The following CNTNAP2 variants were observed in gnomAD, a reference collection of about 807,000 sequenced individuals.
CNTNAP2 encodes contactin-associated protein-like 2.
A neutral mutation model predicts 155.2 loss-of-function variants in CNTNAP2; 98 were observed. The observed-to-expected ratio is 0.63, with a 90% CI of 0.54 to 0.75. The LOEUF (loss-of-function observed/expected upper bound fraction) is 0.75. Ranked by LOEUF, CNTNAP2 falls within the 30% of genes least tolerant of loss-of-function variation. CNTNAP2 has a pLI of 0.00. For synonymous variants in CNTNAP2, 651 were observed against 631.2 expected (o/e 1.03, Z -0.47); for missense variants, 1,727 against 1,688.1 (o/e 1.02, Z -0.40).
intron 21 of CNTNAP2, among the ~76,000 whole-genome samples, chr7:148,328,453 C>T (rs904649594): frequency 3.3e-5 from 5 of 152,064 alleles, no homozygotes; most frequent in Admixed American, 3.3e-4. Flanking sequence ...GGTCAGCGTG[C>T]TGTTGTCGCA....
intron 23 of CNTNAP2, among the ~76,000 whole-genome samples, chr7:148,412,681 A>G (rs1799870629): frequency 6.6e-6 from 1 of 152,188 alleles, no homozygotes; most frequent in South Asian, 2.1e-4. Flanking sequence ...TTTCCAGTCT[A>G]TATCCTTTTG....
intron 9 of CNTNAP2, among the ~76,000 whole-genome samples, chr7:147,318,136 A>G (rs1322579391): frequency 6.6e-6 from 1 of 152,156 alleles, no homozygotes; most frequent in African/African-American, 2.4e-5. Flanking sequence ...ACTTGAATAT[A>G]TTTCCATATA....
intron 1 of CNTNAP2, among the ~76,000 whole-genome samples, chr7:146,376,358 ATC>A (rs911802898): frequency 5.9e-5 from 9 of 151,990 alleles, no homozygotes; most frequent in Admixed American, 3.9e-4. Context: ...TTCACTGCTC[ATC>A]TCTCTTCTAA....
intron 13 of CNTNAP2, among the ~76,000 whole-genome samples, chr7:147,689,377 G>A (rs1461048113): frequency 6.6e-6 from 1 of 151,962 alleles, no homozygotes; most frequent in Non-Finnish European, 1.5e-5. Flanking sequence ...TTGAACTCCT[G>A]ACCTCAAGTG....
Position 146,674,682 on chromosome 7 carries a change from C to T in CNTNAP2, c.98-99589C>T, listed in dbSNP as rs191557673. Among the ~76,000 whole-genome samples, 233 of 152,114 alleles carry T rather than the reference C, an allele frequency of 1.5e-3. 1 individual carries two copies. The highest frequency in any genetic ancestry group is 1.6e-3 in the Non-Finnish European group (112 of 67,972). ...GAATACCCCAAAGAGGCAGTTGGAC[C>T]CGGGCCCTGTATCCCATTTTAACAA... is the stretch of plus-strand genomic sequence containing the variant. On this transcript the variant is annotated intron_variant, in intron 1 of 23. Transcript: ENST00000361727.
At chr7:147,476,280 T>A (rs1798318666) in intron 10 of CNTNAP2, among the ~76,000 whole-genome samples, 1 of 151,916 alleles carries the variant, frequency 6.6e-6, no homozygotes, top group African/African-American at 2.4e-5. Context: ...TACTTTTTTG[T>A]ATTTTTAGTA....
chr7:147,010,580 C>A (rs1182158833), intron 3 of CNTNAP2, among the ~76,000 whole-genome samples: 2 of 152,056 alleles, frequency 1.3e-5, no homozygotes, highest in African/African-American at 4.8e-5. Flanking sequence ...AAATCTGGAA[C>A]AATTTGAGCA....
intron 10 of CNTNAP2, among the ~76,000 whole-genome samples, chr7:147,435,435 C>G (rs1797534181): frequency 2.0e-5 from 3 of 152,168 alleles, no homozygotes; most frequent in Admixed American, 2.0e-4. Flanking sequence ...CCAGGTGATA[C>G]TGACCACACT....
intron 13 of CNTNAP2, among the ~76,000 whole-genome samples, chr7:147,690,185 G>A (rs930733842): frequency 6.6e-6 from 1 of 152,020 alleles, no homozygotes; most frequent in African/African-American, 2.4e-5. Context: ...TTTCACTAAC[G>A]TTACCTTGCT....
At chr7:146,916,213 G>C (rs568728795) in intron 3 of CNTNAP2, among the ~76,000 whole-genome samples, 1 of 152,052 alleles carries the variant, frequency 6.6e-6, no homozygotes, top group Admixed American at 6.6e-5. Flanking sequence ...TGTTGGACTT[G>C]GTTAGCTAGT....
At chr7:146,552,023 G>C (rs573713189) in intron 1 of CNTNAP2, among the ~76,000 whole-genome samples, 28 of 152,026 alleles carry the variant, frequency 1.8e-4, no homozygotes, top group African/African-American at 6.8e-4. Flanking sequence ...ACTGGAAATA[G>C]ATAAAAAATG....
At chr7:146,777,774 C>G (rs144222759) in intron 2 of CNTNAP2, among the ~76,000 whole-genome samples, 1 of 151,982 alleles carries the variant, frequency 6.6e-6, no homozygotes, top group East Asian at 1.9e-4. Context: ...CCATGTTGGC[C>G]AGGTTGGACA....
intron 21 of CNTNAP2, among the ~76,000 whole-genome samples, chr7:148,324,807 A>AAAAAAAAG (rs1797861928): frequency 1.3e-5 from 2 of 148,934 alleles, no homozygotes; most frequent in East Asian, 2.0e-4. Flanking sequence ...AAAAAAAAAA[A>AAAAAAAAG]GAGTAGGGAT....
intron 1 of CNTNAP2, among the ~76,000 whole-genome samples, chr7:146,183,568 TCTG>T (rs989851085): frequency 1.3e-5 from 2 of 151,368 alleles, no homozygotes; most frequent in African/African-American, 4.9e-5. Context: ...CTGCCGCAGA[TCTG>T]CTGTCAGCAC....
chr7:147,510,795 T>C (rs1042161577), intron 11 of CNTNAP2, among the ~76,000 whole-genome samples: 2 of 142,328 alleles, frequency 1.4e-5, no homozygotes, highest in Admixed American at 1.5e-4. Context: ...ATTACAACAC[T>C]CAATTTCTAA....
At chr7:148,372,423 A>G (rs1296017423) in intron 21 of CNTNAP2, among the ~76,000 whole-genome samples, 1 of 152,034 alleles carries the variant, frequency 6.6e-6, no homozygotes, top group Non-Finnish European at 1.5e-5. Flanking sequence ...TAATAAATTA[A>G]CCAGCTGGGT....
intron 1 of CNTNAP2, among the ~76,000 whole-genome samples, chr7:146,520,218 A>C (rs1311919493): frequency 6.7e-6 from 1 of 150,094 alleles, no homozygotes; most frequent in African/African-American, 2.4e-5. Context: ...TAGGCAAAAA[A>C]ATCTACTAAT....
intron 12 of CNTNAP2, among the ~76,000 whole-genome samples, chr7:147,601,157 C>T (rs1336097602): frequency 6.6e-6 from 1 of 152,068 alleles, no homozygotes; most frequent in East Asian, 1.9e-4. Context: ...TGTCTCCTCC[C>T]TCCTGTGAAA....
intron 3 of CNTNAP2, among the ~76,000 whole-genome samples, chr7:146,868,858 T>A (rs1418207826): frequency 1.3e-5 from 2 of 149,984 alleles, no homozygotes; most frequent in African/African-American, 5.1e-5. Context: ...TTTTTGTGCA[T>A]TGATTATGTA....
Sources: allele counts gnomAD v4.1 joint callset (sites outside exome capture counted in the v4.1 genomes callset), GRCh38; gene constraint gnomAD v4.1.1; transcripts MANE v1.5; gene names NCBI Gene and HGNC (gene_info 2026-07-23, HGNC 2026-07-21).